Variants in TBC1D9 observed in about 807,000 individuals in gnomAD.
The protein encoded by TBC1D9 is TBC1 domain family member 9A.
In TBC1D9, 63 loss-of-function variants were observed where a neutral mutation model predicts 132.0. That is an observed-to-expected ratio of 0.48 (90% CI 0.39 to 0.59). The LOEUF is 0.59. Ranked by LOEUF, TBC1D9 falls within the 20% of genes least tolerant of loss-of-function variation. TBC1D9 has a pLI of 0.00. For missense variants in TBC1D9, 1,261 were observed against 1,592.7 expected, an observed-to-expected ratio of 0.79 and a Z score of 3.54; for synonymous variants, 610 against 609.9, an observed-to-expected ratio of 1.00 and a Z score of 0.00.
At chr4:140,634,835 T>C (rs575842851) in intron 15 of TBC1D9, among the ~76,000 whole-genome samples, 3 of 152,242 alleles carry the variant, frequency 2.0e-5, no homozygotes, top group African/African-American at 7.2e-5. Context: ...TGTGAATAGC[T>C]CTAGAAAAAT....
chr4:140,628,476 G>T, intron 16 of TBC1D9, 111 bp from the exon 17 acceptor site: 1 of 996,398 alleles, frequency 1.0e-6, no homozygotes, highest in Non-Finnish European at 1.5e-6. Context: ...AAGACATTGT[G>T]TGGTGAAAGG....
At position 140,643,274 on chromosome 4, in the gene TBC1D9, G is replaced by T. The variant is rs140751722; in HGVS notation, c.2338-3846C>A. On this transcript the variant is annotated intron_variant, in intron 13 of 20. Coordinates refer to ENST00000442267, the MANE Select transcript of TBC1D9 (RefSeq NM_015130.3). The stretch of plus-strand genomic sequence containing the variant: ...CCAGCTCTGCGATCTCGCTCAGCAG[G>T]GTGATGCCGTGCAGAAAGCTCTGCT... The T allele has an allele frequency of 4.4e-4, 575 of 1,298,692 alleles. 5 individuals carry two copies. The African/African-American group carries it at 7.3e-3, about 16-fold the overall frequency. 80.4% of individuals were successfully genotyped at this position (1,298,692 alleles called of 1,614,324 possible).
intron 2 of TBC1D9, among the ~76,000 whole-genome samples, chr4:140,700,239 C>T (rs1000131817): frequency 2.0e-5 from 3 of 151,952 alleles, no homozygotes; most frequent in Admixed American, 2.0e-4. Context: ...CACCTGAGGT[C>T]AGGAGTTCAA....
chr4:140,697,939 A>C (rs927250910), intron 2 of TBC1D9, among the ~76,000 whole-genome samples: 9 of 152,184 alleles, frequency 5.9e-5, no homozygotes, highest in African/African-American at 1.9e-4. Context: ...TGCTGCCTGC[A>C]AAGGATCTCG....
chr4:140,660,279 T>C (rs1413448976), intron 10 of TBC1D9, among the ~76,000 whole-genome samples: 1 of 152,210 alleles, frequency 6.6e-6, no homozygotes, highest in East Asian at 1.9e-4. Context: ...TATTAAAAGA[T>C]ATTATCAGAT....
chr4:140,643,126 C>T (rs1303355440), intron 13 of TBC1D9: 1 of 1,420,364 alleles, frequency 7.0e-7, no homozygotes, highest in Non-Finnish European at 9.7e-7. Flanking sequence ...GCGGGTCCCA[C>T]CACGGGCCCA....
chr4:140,665,097 A>G (rs1021424816), intron 9 of TBC1D9, among the ~76,000 whole-genome samples: 19 of 148,650 alleles, frequency 1.3e-4, no homozygotes, highest in Non-Finnish European at 2.2e-4. Context: ...ACAGGGTGAG[A>G]CTCAGTCTCC....
At chr4:140,652,689 T>G (rs890140762) in intron 13 of TBC1D9, among the ~76,000 whole-genome samples, 2 of 152,226 alleles carry the variant, frequency 1.3e-5, no homozygotes, top group African/African-American at 4.8e-5. Flanking sequence ...TAAAATGCAT[T>G]AACATTTACA....
chr4:140,688,622 T>C (rs1560886258), intron 2 of TBC1D9, among the ~76,000 whole-genome samples: 1 of 152,068 alleles, frequency 6.6e-6, no homozygotes, highest in South Asian at 2.1e-4. Context: ...TGAGCCATGA[T>C]GGTGCCACTG....
rs757538555 is a variant in TBC1D9, at chr4:140,627,431, A to C, written c.2899+10T>G. 4 of 1,565,512 alleles carry C rather than the reference A, an allele frequency of 2.6e-6. No individual in the cohort carries two copies. In the African/African-American group the frequency reaches 4.1e-5, roughly 16 times the overall value. On this transcript the variant is annotated intron_variant, in intron 18 of 20. Coordinates refer to ENST00000442267, the MANE Select transcript of TBC1D9 (RefSeq NM_015130.3). ...CAAATATAGTATCTTTGGTGAGAAA[A>C]GTCACTTACCATGTGTACATTCTGG...
chr4:140,741,291 A>C (rs1738753899), intron 1 of TBC1D9, among the ~76,000 whole-genome samples: 1 of 152,252 alleles, frequency 6.6e-6, no homozygotes, highest in Non-Finnish European at 1.5e-5. Context: ...TGACATATTT[A>C]AAGTGGCCCT....
chr4:140,643,889 T>C lies in TBC1D9; in HGVS notation c.2338-4461A>G, dbSNP rs2110982630. Reference sequence around the variant, plus strand: ...TAGCCATGGTTTCCATGGCGGGCAGTGGCAGCGGCAACTCCAGAGGCGGCA... The same window carrying C: ...TAGCCATGGTTTCCATGGCGGGCAGCGGCAGCGGCAACTCCAGAGGCGGCA... On this transcript the variant is annotated intron_variant, in intron 13 of 20. Coordinates refer to ENST00000442267, the MANE Select transcript of TBC1D9 (RefSeq NM_015130.3). 25 of 714,704 alleles carry C rather than the reference T, an allele frequency of 3.5e-5. 1 individual carries two copies. The highest frequency in any genetic ancestry group is 5.5e-4 in the Middle Eastern group (2 of 3,618). The allele number at this position is 714,704 out of a possible 1,614,324, so 44.3% of individuals were successfully genotyped here.
chr4:140,656,567 A>C (rs1026897961), intron 13 of TBC1D9, among the ~76,000 whole-genome samples: 12 of 152,180 alleles, frequency 7.9e-5, no homozygotes, highest in Non-Finnish European at 1.6e-4. Flanking sequence ...ACACAGCACA[A>C]GAACCATCCT....
At chr4:140,673,029 G>A (rs535072360) in intron 6 of TBC1D9, among the ~76,000 whole-genome samples, 99 of 152,164 alleles carry the variant, frequency 6.5e-4, no homozygotes, top group Non-Finnish European at 9.3e-4. Context: ...GGGTGGTGGC[G>A]CATGCCTGTA....
At chr4:140,684,662 G>C (rs1222395889) in intron 3 of TBC1D9, among the ~76,000 whole-genome samples, 1 of 151,184 alleles carries the variant, frequency 6.6e-6, no homozygotes. Context: ...TTTTGAGACA[G>C]AGTGTCACTC....
chr4:140,754,253 T>C (rs1327415053), intron 1 of TBC1D9, among the ~76,000 whole-genome samples: 1 of 152,202 alleles, frequency 6.6e-6, no homozygotes, highest in Non-Finnish European at 1.5e-5. Flanking sequence ...GGAGGGTTAA[T>C]TGCAGAAGGA....
chr4:140,718,489 C>A lies in TBC1D9; in HGVS notation c.131-16875G>T, dbSNP rs538543356. Among the ~76,000 whole-genome samples, 72 of 152,240 alleles carry A rather than the reference C, an allele frequency of 4.7e-4. 1 individual carries two copies. In the South Asian group the frequency reaches 0.014, roughly 29 times the overall value. ...ATAATTACCCCACATAAACCCAGGG[C>A]CTCATACCTCCTTAGCTCTTCCCAG... is the stretch of plus-strand genomic sequence containing the variant. On this transcript the variant is annotated intron_variant, in intron 1 of 20. Coordinates refer to ENST00000442267, the MANE Select transcript of TBC1D9 (RefSeq NM_015130.3).
At chr4:140,755,096 T>A (rs1738988444) in intron 1 of TBC1D9, among the ~76,000 whole-genome samples, 1 of 152,208 alleles carries the variant, frequency 6.6e-6, no homozygotes, top group Non-Finnish European at 1.5e-5. Context: ...CTGTAAAAAG[T>A]ATTCCAGTTC....
Position 140,620,967 on chromosome 4 carries a change from G to A in TBC1D9, c.*1228C>T, listed in dbSNP as rs1324862739. ...GAAAGAAATATTCCAAAGAAGCAAA[G>A]GAAATGAGACCATGATTATGAATTC... is the stretch of plus-strand genomic sequence containing the variant. On this transcript the variant is annotated 3_prime_UTR_variant, in exon 21 of 21. Coordinates refer to ENST00000442267, the MANE Select transcript of TBC1D9 (RefSeq NM_015130.3). The A allele has an allele frequency of 6.6e-6, 1 of 152,572 alleles. No homozygotes were observed. The highest frequency in any genetic ancestry group is 1.5e-5 in the Non-Finnish European group (1 of 68,006). The allele number at this position is 152,572 out of a possible 1,614,324, so 9.5% of individuals were successfully genotyped here. A position where few individuals can be genotyped will look rare whatever the true frequency, so the allele number is the denominator to read the frequency against.
Sources: gnomAD v4.1 joint callset for allele counts (sites outside exome capture counted in the v4.1 genomes callset) on GRCh38, gnomAD v4.1.1 for gene constraint, MANE v1.5 for transcripts, NCBI Gene and HGNC (gene_info 2026-07-23, HGNC 2026-07-21) for gene names.